OPRM1: variants seen among roughly 807,000 people sequenced by gnomAD.
OPRM1 encodes mu-type opioid receptor.
In OPRM1, 27 loss-of-function variants were observed where a neutral mutation model predicts 31.8. The observed-to-expected ratio is 0.85, with a 90% CI of 0.63 to 1.17. The LOEUF (loss-of-function observed/expected upper bound fraction) is 1.17. OPRM1 is among the 50% of genes most tolerant of loss of function. The pLI is 0.00. For synonymous variants in OPRM1, 196 were observed against 189.9 expected (o/e 1.03, Z -0.26); for missense variants, 536 against 511.1 (o/e 1.05, Z -0.47).
At chr6:154,153,701 AGCCCCAGGAGGAG>A (rs1798606899) in intron 3 of OPRM1, among the ~76,000 whole-genome samples, 1 of 149,854 alleles carries the variant, frequency 6.7e-6, no homozygotes, top group African/African-American at 2.5e-5. Flanking sequence ...AAAAAAAAAA[AGCCCCAGGAGGAG>A]GCGAGGAGAG....
chr6:154,010,663 A>G, exon 1 of OPRM1: 1 of 1,477,072 alleles, frequency 6.8e-7, no homozygotes, highest in Non-Finnish European at 9.0e-7. Flanking sequence ...ACTGGAAGAT[A>G]GGAAAGCAAG....
chr6:154,199,638 T>C (rs192051269), intron 3 of OPRM1: 137 of 1,547,386 alleles, frequency 8.9e-5, no homozygotes, highest in Admixed American at 4.7e-4. Context: ...ATTCACTCTC[T>C]AACGAAGAAT....
At chr6:154,072,545 T>C (rs3778151) in intron 1 of OPRM1, among the ~76,000 whole-genome samples, 29,235 of 152,164 alleles carry the variant, frequency 0.19, 3,181 homozygotes, top group African/African-American at 0.29. Context: ...AGAACAAGCA[T>C]GAGACTCCAC....
chr6:154,081,587 T>TG (rs779208818), intron 1 of OPRM1, among the ~76,000 whole-genome samples: 2 of 152,184 alleles, frequency 1.3e-5, no homozygotes, highest in Non-Finnish European at 2.9e-5. Context: ...CAACTATGAC[T>TG]GTTACAGCAT....
chr6:154,085,139 A>G (rs1790226507), intron 1 of OPRM1, among the ~76,000 whole-genome samples: 1 of 152,250 alleles, frequency 6.6e-6, no homozygotes, highest in Admixed American at 6.5e-5. Flanking sequence ...GTCAAAAGCA[A>G]TCACATTTTG....
intron 3 of OPRM1, among the ~76,000 whole-genome samples, chr6:154,194,631 T>C (rs1357666391): frequency 6.6e-6 from 1 of 152,152 alleles, no homozygotes; most frequent in Non-Finnish European, 1.5e-5. Flanking sequence ...CCCAGTGACT[T>C]CCTACCACCT....
At chr6:154,142,735 C>T (rs1033530468) in intron 3 of OPRM1, among the ~76,000 whole-genome samples, 1 of 152,152 alleles carries the variant, frequency 6.6e-6, no homozygotes, top group African/African-American at 2.4e-5. Context: ...GTCTCTTTTT[C>T]TGACTTATGC....
At chr6:154,187,457 C>T (rs1309412650) in intron 3 of OPRM1, among the ~76,000 whole-genome samples, 3 of 152,172 alleles carry the variant, frequency 2.0e-5, no homozygotes, top group African/African-American at 4.8e-5. Context: ...ATATAAAAAG[C>T]ACTTGACAAA....
intron 3 of OPRM1, among the ~76,000 whole-genome samples, chr6:154,164,482 C>T (rs537306012): frequency 7.2e-4 from 109 of 152,338 alleles, no homozygotes; most frequent in African/African-American, 2.5e-3. Context: ...GGGCCTCATC[C>T]AGCAGCCCAG....
intron 3 of OPRM1, among the ~76,000 whole-genome samples, chr6:154,144,064 C>T (rs12207811): frequency 0.099 from 15,028 of 152,142 alleles, 1,122 homozygotes; most frequent in East Asian, 0.41. Context: ...ATAAATTTGG[C>T]AGCTTACATG....
At chr6:154,032,544 TC>T (rs1779071064) in intron 1 of OPRM1, among the ~76,000 whole-genome samples, 1 of 152,304 alleles carries the variant, frequency 6.6e-6, no homozygotes, top group Non-Finnish European at 1.5e-5. Context: ...CAAGTGATCC[TC>T]CCACCTCAGC....
intron 1 of OPRM1, among the ~76,000 whole-genome samples, chr6:154,032,747 T>TAACCACTG (rs1444827489): frequency 2.0e-5 from 3 of 152,216 alleles, no homozygotes; most frequent in African/African-American, 7.2e-5. Flanking sequence ...TTCACATTTC[T>TAACCACTG]AACCACTGAA....
At chr6:154,230,368 G>A (rs1053442459) in intron 3 of OPRM1, among the ~76,000 whole-genome samples, 6 of 152,130 alleles carry the variant, frequency 3.9e-5, no homozygotes, top group Non-Finnish European at 7.4e-5. Flanking sequence ...CTTTTGCTGT[G>A]AGCCTAAAAC....
chr6:154,022,270 A>G (rs1051141595), intron 1 of OPRM1, among the ~76,000 whole-genome samples: 1 of 152,226 alleles, frequency 6.6e-6, no homozygotes, highest in East Asian at 1.9e-4. Context: ...GCTGTGGTGT[A>G]GTTAGTCTGC....
chr6:154,193,577 A>G (rs1418474700), intron 3 of OPRM1, among the ~76,000 whole-genome samples: 3 of 152,232 alleles, frequency 2.0e-5, no homozygotes, highest in African/African-American at 7.2e-5. Flanking sequence ...AGTAAATAAT[A>G]AAAACTTCAA....
chr6:154,076,258 C>A (rs1418846551), intron 1 of OPRM1, among the ~76,000 whole-genome samples: 1 of 152,012 alleles, frequency 6.6e-6, no homozygotes, highest in Non-Finnish European at 1.5e-5. Flanking sequence ...ACACACCCAC[C>A]ACAGGTAGTC....
intron 1 of OPRM1, among the ~76,000 whole-genome samples, chr6:154,029,145 A>G (rs76226542): frequency 0.046 from 7,058 of 152,268 alleles, 317 homozygotes; most frequent in Admixed American, 0.15. Context: ...GCTAAGTTCA[A>G]ATACAGATTC....
Position 154,124,566 on chromosome 6 carries a change from G to A in OPRM1, c.*5845G>A, listed in dbSNP as rs533008428. On this transcript the variant is annotated 3_prime_UTR_variant, in exon 4 of 4. Coordinates refer to ENST00000330432, the MANE Select transcript of OPRM1 (RefSeq NM_000914.5). Reference sequence around the variant, plus strand: ...CCTCTGACCTCCTGTGACACATGGGGTGAGCCCTTCCTTTTTGTCTCAATC... The same window carrying A: ...CCTCTGACCTCCTGTGACACATGGGATGAGCCCTTCCTTTTTGTCTCAATC... Among the ~76,000 whole-genome samples, 5 of 152,168 alleles carry A rather than the reference G, an allele frequency of 3.3e-5. No individual in the cohort carries two copies. The highest frequency in any genetic ancestry group is 4.8e-5 in the African/African-American group (2 of 41,430).
At chr6:154,086,931 T>C in intron 1 of OPRM1, 5 of 984,182 alleles carry the variant, frequency 5.1e-6, no homozygotes, top group Non-Finnish European at 6.0e-6. Flanking sequence ...AGGTCAATTA[T>C]TCTAAATCTT....
Sources: allele counts gnomAD v4.1 joint callset (sites outside exome capture counted in the v4.1 genomes callset), GRCh38; gene constraint gnomAD v4.1.1; transcripts MANE v1.5; gene names NCBI Gene and HGNC (gene_info 2026-07-23, HGNC 2026-07-21).